Variants in ADAM22 observed in about 807,000 individuals in gnomAD.
ADAM22 encodes the protein ADAM metallopeptidase domain 22.
In ADAM22, 65 loss-of-function variants were observed where a neutral mutation model predicts 144.6. The ratio of observed to expected loss-of-function variants is 0.45; its 90% CI spans 0.37 to 0.55. The LOEUF (loss-of-function observed/expected upper bound fraction) is 0.55. Ranked by LOEUF, ADAM22 falls within the 20% of genes least tolerant of loss-of-function variation. The pLI, the probability that ADAM22 is intolerant of heterozygous loss-of-function variation, is 0.00. For synonymous variants in ADAM22, 391 were observed against 412.6 expected, an observed-to-expected ratio of 0.95 and a Z score of 0.63; for missense variants, 974 against 1,184.9, an observed-to-expected ratio of 0.82 and a Z score of 2.61.
intron 3 of ADAM22, among the ~76,000 whole-genome samples, chr7:88,011,489 G>C (rs925932880): frequency 4.0e-5 from 6 of 150,234 alleles, no homozygotes; most frequent in Non-Finnish European, 4.4e-5. Context: ...GCAGTGAGCC[G>C]AGATCGCACC....
chr7:88,042,711 T>TC (rs1803466722), intron 3 of ADAM22, among the ~76,000 whole-genome samples: 1 of 151,850 alleles, frequency 6.6e-6, no homozygotes, highest in South Asian at 2.1e-4. Flanking sequence ...ATTCAAGTCT[T>TC]TCCTGAACTT....
intron 29 of ADAM22, among the ~76,000 whole-genome samples, chr7:88,182,529 T>G (rs888466223): frequency 2.0e-5 from 3 of 152,190 alleles, no homozygotes; most frequent in African/African-American, 7.2e-5. Context: ...CCTTTTAAAT[T>G]TTCTATCTGA....
intron 22 of ADAM22, among the ~76,000 whole-genome samples, chr7:88,156,795 T>C (rs1048114565): frequency 1.3e-5 from 2 of 152,048 alleles, no homozygotes; most frequent in African/African-American, 4.8e-5. Flanking sequence ...GCAATATTTA[T>C]ATAAGGGTTG....
intron 22 of ADAM22, among the ~76,000 whole-genome samples, chr7:88,159,112 A>T (rs1047991170): frequency 2.0e-5 from 3 of 152,170 alleles, no homozygotes; most frequent in Non-Finnish European, 4.4e-5. Flanking sequence ...ATCATCAGAG[A>T]CTACTACGAA....
intron 2 of ADAM22, among the ~76,000 whole-genome samples, chr7:87,959,373 CT>C (rs919044722): frequency 5.4e-4 from 82 of 151,224 alleles, no homozygotes; most frequent in African/African-American, 1.7e-3. Flanking sequence ...ATGTTAGCTC[CT>C]TTTTTTTTAA....
intron 3 of ADAM22, among the ~76,000 whole-genome samples, chr7:87,991,799 A>G (rs1217258712): frequency 6.6e-6 from 1 of 152,228 alleles, no homozygotes; most frequent in Admixed American, 6.5e-5. Context: ...AGAAATAGCT[A>G]TTTTTAGAAT....
At chr7:88,095,690 C>T (rs939325297) in intron 4 of ADAM22, among the ~76,000 whole-genome samples, 6 of 152,020 alleles carry the variant, frequency 3.9e-5, no homozygotes, top group Non-Finnish European at 7.4e-5. Context: ...TCTCTATAAT[C>T]GTGAAATGTT....
chr7:88,200,267 GTTA>G lies in ADAM22; in HGVS notation c.*3782_*3784del, dbSNP rs940886306. 2.0e-5 allele frequency: 3 copies of G among 151,896 alleles called. No homozygotes were observed. Among genetic ancestry groups the G allele is most frequent in the African/African-American group, 7.3e-5 (3 of 41,328 alleles). 9.4% of individuals were successfully genotyped at this position (151,896 alleles called of 1,614,324 possible). ...TATAGTACTTTAAATATTTTCTTAT[GTTA>G]TTATTTAACACAATAATAAATTCTT... On this transcript the variant is annotated 3_prime_UTR_variant, in exon 32 of 32. Coordinates refer to ENST00000413139, the MANE Select transcript of ADAM22 (RefSeq NM_001324418.2).
Position 88,199,809 on chromosome 7 carries a change from TTC to T in ADAM22, c.*3326_*3327del, listed in dbSNP as rs1221408837. On this transcript the variant is annotated 3_prime_UTR_variant, in exon 32 of 32. Coordinates refer to ENST00000413139, the MANE Select transcript of ADAM22 (RefSeq NM_001324418.2). ...GTGCTTTATTAAGTGATACCATAGT[TTC>T]TCTCTCTTTTCCCTGTTACTTTAAA... The T allele has an allele frequency of 1.3e-5, 2 of 152,198 alleles. No homozygotes were observed. The highest frequency in any genetic ancestry group is 4.8e-5 in the African/African-American group (2 of 41,448). The allele number at this position is 152,198 out of a possible 1,614,324, so 9.4% of individuals were successfully genotyped here. A position where few individuals can be genotyped will look rare whatever the true frequency, so the allele number is the denominator to read the frequency against.
chr7:88,192,911 A>C (rs890866176), intron 30 of ADAM22, among the ~76,000 whole-genome samples: 1 of 152,196 alleles, frequency 6.6e-6, no homozygotes, highest in Non-Finnish European at 1.5e-5. Flanking sequence ...ACATTTAAAT[A>C]ATCCATTGCA....
At chr7:88,178,047 T>C (rs950814724) in intron 26 of ADAM22, among the ~76,000 whole-genome samples, 1 of 152,178 alleles carries the variant, frequency 6.6e-6, no homozygotes, top group African/African-American at 2.4e-5. Context: ...GCAGGAAGGT[T>C]AACTGGGGGC....
rs556904539 is a variant in ADAM22, at chr7:88,162,944, T to A, written c.1908-68T>A. 2.5e-6 allele frequency: 4 copies of A among 1,569,642 alleles called. No homozygotes were observed. In the African/African-American group the frequency reaches 5.5e-5, roughly 22 times the overall value. ...GGAAGCAATATTGCCTGCTTTTAAG[T>A]TTTTGAGCATATTTTCAAAATGAAG... is the stretch of plus-strand genomic sequence containing the variant. On this transcript the variant is annotated intron_variant, in intron 22 of 31. Coordinates refer to ENST00000413139, the MANE Select transcript of ADAM22 (RefSeq NM_001324418.2).
chr7:88,172,546 TTTCA>T (rs1399845550), intron 26 of ADAM22, among the ~76,000 whole-genome samples: 1 of 151,954 alleles, frequency 6.6e-6, no homozygotes, highest in Non-Finnish European at 1.5e-5. Context: ...CCATCACAAC[TTTCA>T]TTTTTTTCAC....
intron 4 of ADAM22, among the ~76,000 whole-genome samples, chr7:88,090,447 T>C (rs1174978540): frequency 6.6e-6 from 1 of 152,188 alleles, no homozygotes; most frequent in Non-Finnish European, 1.5e-5. Context: ...TGCAAAAATT[T>C]ATTTTCAAGA....
At chr7:88,189,008 T>C (rs1848976610) in intron 30 of ADAM22, among the ~76,000 whole-genome samples, 1 of 152,228 alleles carries the variant, frequency 6.6e-6, no homozygotes, top group African/African-American at 2.4e-5. Flanking sequence ...CTTATCAAAA[T>C]GCAATCTGCA....
At chr7:88,108,982 T>C (rs10276578) in intron 5 of ADAM22, among the ~76,000 whole-genome samples, 128,230 of 152,144 alleles carry the variant, frequency 0.84, 54,834 homozygotes, top group East Asian at 1. Flanking sequence ...GGGTTAACTT[T>C]GGTGTCTGTT....
chr7:88,121,807 G>A (rs952497630), intron 7 of ADAM22, among the ~76,000 whole-genome samples: 3 of 152,206 alleles, frequency 2.0e-5, no homozygotes, highest in South Asian at 2.1e-4. Context: ...TTGCTGTATA[G>A]TATTTATTAG....
chr7:88,134,419 G>A lies in ADAM22; in HGVS notation c.1168G>A (p.Gly390Ser). ...IISDKRKLAS[G>S]ECKCEDTWSG... ...CTCAGACAAAAGAAAGTTAGCAAGT[G>A]GTAAGTTTTAGTACATGTGTGGTTA... is the stretch of plus-strand genomic sequence containing the variant. The change falls in exon 13 of 32, where the codon GGT becomes AGT. Residue 390 changes from glycine to serine, a missense_variant and splice_region_variant. By Grantham distance (56) the Gly-to-Ser change is moderately conservative (BLOSUM62 0). Transcript: ENST00000413139. 6.2e-7 allele frequency: 1 copy of A among 1,602,662 alleles called. No individual in the cohort carries two copies. The highest frequency in any genetic ancestry group is 8.5e-7 in the Non-Finnish European group (1 of 1,172,696).
At chr7:88,086,502 C>A (rs1168807509) in intron 4 of ADAM22, among the ~76,000 whole-genome samples, 1 of 152,052 alleles carries the variant, frequency 6.6e-6, no homozygotes, top group East Asian at 1.9e-4. Context: ...AAAATAAAGT[C>A]TTTATGCAAG....
Sources: allele counts gnomAD v4.1 joint callset (sites outside exome capture counted in the v4.1 genomes callset), GRCh38; gene constraint gnomAD v4.1.1; transcripts MANE v1.5; gene names NCBI Gene and HGNC (gene_info 2026-07-23, HGNC 2026-07-21).